The following RFX1 variants were observed in gnomAD, a reference collection of about 807,000 sequenced individuals.
The protein encoded by RFX1 is regulatory factor X1, also known as MHC class II regulatory factor RFX1.
In RFX1, 42 loss-of-function variants were observed where a neutral mutation model predicts 119.6. The observed-to-expected ratio is 0.35, with a 90% confidence interval of 0.27 to 0.45. The LOEUF is 0.45. RFX1 is among the 20% of genes least tolerant of loss of function. The pLI is 1.00. For missense variants in RFX1, 1,118 were observed against 1,368.1 expected (o/e 0.82, Z 2.88); for synonymous variants, 628 against 618.5 (o/e 1.02, Z -0.23).
intron 3 of RFX1, 36 bp downstream of exon 3, chr19:13,983,450 G>C (rs563523701): frequency 1.3e-6 from 2 of 1,523,520 alleles, no homozygotes; most frequent in African/African-American, 2.7e-5. Context: ...CCCCCTCCCG[G>C]GCCCTCCCCC....
intron 2 of RFX1, among the ~76,000 whole-genome samples, chr19:13,991,878 T>C (rs1454194227): frequency 6.6e-6 from 1 of 152,102 alleles, no homozygotes; most frequent in South Asian, 2.1e-4. Context: ...GCCAGGCTGG[T>C]CTCGAACTCC....
intron 9 of RFX1, among the ~76,000 whole-genome samples, chr19:13,971,938 G>A (rs890398698): frequency 3.9e-5 from 6 of 152,052 alleles, no homozygotes; most frequent in African/African-American, 1.4e-4. Context: ...CCCGGGAGGC[G>A]GAGGTCGCAG....
At chr19:13,963,079 G>A (rs371009810) in intron 19 of RFX1, 40 bp from the exon 20 acceptor site, 18 of 1,603,004 alleles carry the variant, frequency 1.1e-5, no homozygotes, top group Middle Eastern at 1.6e-4. Flanking sequence ...GGGTCCCGCC[G>A]CCTGGCGCCC....
In RFX1 at chr19:13,965,818, A is replaced by G; in HGVS notation, c.1962-41T>C. ...CCACCCCGGGTCACTGGGGTACTCT[A>G]TGGTCCTGCCCCCATCGTCAGAAGG... is the stretch of plus-strand genomic sequence containing the variant. On this transcript the variant is annotated intron_variant, in intron 14 of 20. Coordinates refer to ENST00000254325, the MANE Select transcript of RFX1 (RefSeq NM_002918.5). The surrounding 1 kb of genome is among the most constrained non-coding windows in gnomAD (Gnocchi z 4.7). The G allele has an allele frequency of 1.9e-6, 3 of 1,605,436 alleles. No individual in the cohort carries two copies. The highest frequency in any genetic ancestry group is 2.6e-6 in the Non-Finnish European group (3 of 1,176,340).
rs1189102620 is a variant in RFX1, at chr19:13,985,176, TC to T, written c.320-1582del. Among the ~76,000 whole-genome samples, 4 of 151,356 alleles carry T rather than the reference TC, an allele frequency of 2.6e-5. No homozygotes were observed. In the East Asian group the frequency reaches 7.8e-4, roughly 29 times the overall value. ...TGTGCCTGGCTGACAGTAAGAGCTT[TC>T]CGGGATTTTTTTTTTTTTTTGAGAC... On this transcript the variant is annotated intron_variant, in intron 2 of 20. Transcript: ENST00000254325. The surrounding 1 kb of genome is among the most constrained non-coding windows in gnomAD (Gnocchi z 4.3).
rs1010063005 is a variant in RFX1, at chr19:13,964,045, A to T, written c.2212-38T>A. On this transcript the variant is annotated intron_variant, in intron 16 of 20. Coordinates refer to ENST00000254325, the MANE Select transcript of RFX1 (RefSeq NM_002918.5). ...ATTGAGGGGCTTGCTGCTTCCAAGG[A>T]ACCCCAGCCCGCCAGCCCTGGCCCC... is the stretch of plus-strand genomic sequence containing the variant. The T allele has an allele frequency of 5.9e-6, 9 of 1,520,106 alleles. No individual in the cohort carries two copies. In the African/African-American group the frequency reaches 1.2e-4, roughly 21 times the overall value. The allele number at this position is 1,520,106 out of a possible 1,614,324, so 94.2% of individuals were successfully genotyped here. A position where few individuals can be genotyped will look rare whatever the true frequency, so the allele number is the denominator to read the frequency against.
chr19:13,964,773 G>A (rs998746240), intron 16 of RFX1, among the ~76,000 whole-genome samples: 4 of 152,276 alleles, frequency 2.6e-5, no homozygotes, highest in Admixed American at 1.3e-4. Flanking sequence ...GAGCCACTAC[G>A]CCCGGCCTCA....
intron 2 of RFX1, among the ~76,000 whole-genome samples, chr19:13,989,511 C>A (rs184044343): frequency 6.6e-6 from 1 of 151,844 alleles, no homozygotes; most frequent in Non-Finnish European, 1.5e-5. Flanking sequence ...GCTGGGATTA[C>A]GGCGCCCACC....
At chr19:13,991,452 C>CG (rs929954770) in intron 2 of RFX1, among the ~76,000 whole-genome samples, 4 of 152,040 alleles carry the variant, frequency 2.6e-5, no homozygotes, top group South Asian at 2.1e-4. Flanking sequence ...TCTACACAGG[C>CG]GGGGGGGCAC....
At chr19:13,964,087 C>G in intron 16 of RFX1, 80 bp from the exon 17 acceptor site, 1 of 1,379,502 alleles carries the variant, frequency 7.2e-7, no homozygotes. Context: ...CTGCAACCTC[C>G]CTAAGCCTGT....
intron 12 of RFX1, among the ~76,000 whole-genome samples, chr19:13,967,494 A>G (rs774419358): frequency 7.6e-5 from 11 of 144,382 alleles, no homozygotes; most frequent in Non-Finnish European, 1.2e-4. Context: ...TTTTCCTGAG[A>G]CAGAGTCTCA....
In RFX1 at chr19:13,970,163, G is replaced by C. The variant is rs1445685204; in HGVS notation, c.1327C>G (p.Leu443Val). The change falls in exon 10 of 21, where the codon CTG (leucine) becomes GTG (valine). Residue 443 changes from leucine to valine, a missense_variant. Physicochemically the swap from Leu to Val is conservative, Grantham distance 32. Transcript: ENST00000254325. ...CCCTCAGCCGTCTCATAGTTGTCCA[G>C]GAGCCACTGGACCTGGGGTGGGAGG... is the stretch of plus-strand genomic sequence containing the variant. ...RASPATVQWL[L>V]DNYETAEGVS... 1 of 1,608,076 alleles carries C rather than the reference G, an allele frequency of 6.2e-7. No individual in the cohort carries two copies. The highest frequency in any genetic ancestry group is 1.7e-5 in the Admixed American group (1 of 59,404).
chr19:13,986,527 G>C lies in RFX1; in HGVS notation c.320-2932C>G, dbSNP rs1433698426. ...GCAGGGCCCCTCCACCACTGGGTCT[G>C]GCCCTCGCTGTGTTTCAGGGAGGAG... On this transcript the variant is annotated intron_variant, in intron 2 of 20. Transcript: ENST00000254325. This position sits in a 1 kb window ranked among gnomAD's most constrained non-coding sequence, Gnocchi z 4.2. Among the ~76,000 whole-genome samples the C allele has an allele frequency of 6.6e-6, 1 of 152,172 alleles. No homozygotes were observed. The highest frequency in any genetic ancestry group is 1.5e-5 in the Non-Finnish European group (1 of 68,008).
At chr19:13,963,462 A>C (rs992841826) in intron 18 of RFX1, 76 bp downstream of exon 18, 6 of 1,478,556 alleles carry the variant, frequency 4.1e-6, no homozygotes, top group Non-Finnish European at 5.5e-6. Flanking sequence ...GGGTCGTCGT[A>C]GAAGAGCACC....
chr19:13,979,565 A>C (rs372041371), intron 6 of RFX1, 23 bp from the exon 7 acceptor site: 3 of 1,548,206 alleles, frequency 1.9e-6, no homozygotes, highest in Non-Finnish European at 2.6e-6. Flanking sequence ...AGGCAACAAT[A>C]AGATGACCAT....
chr19:13,968,850 C>G lies in RFX1; in HGVS notation c.1541G>C (p.Ser514Thr). 6.4e-7 allele frequency: 1 copy of G among 1,553,402 alleles called. No individual in the cohort carries two copies. The highest frequency in any genetic ancestry group is 8.7e-7 in the Non-Finnish European group (1 of 1,148,324). Reference protein sequence around the residue: ...YHYYGLRIKASSPLLRLMEDQ... With the variant: ...YHYYGLRIKATSPLLRLMEDQ... ...CTCCATCAGCCGCAGCAGGGGTGAG[C>G]TGGCCTTGATGCGCAGGCCATAGTA... Residue 514 changes from serine (S) to threonine (T), a missense_variant, in exon 11 of 21, where the codon AGC becomes ACC. Transcript: ENST00000254325. This position sits in a 1 kb window ranked among gnomAD's most constrained non-coding sequence, Gnocchi z 5.5.
intron 2 of RFX1, among the ~76,000 whole-genome samples, chr19:13,984,955 G>A (rs1274981024): frequency 6.6e-6 from 1 of 151,874 alleles, no homozygotes; most frequent in Non-Finnish European, 1.5e-5. Flanking sequence ...TGTCCCCTGG[G>A]GTTCAAGCAA....
intron 5 of RFX1, among the ~76,000 whole-genome samples, chr19:13,981,820 G>A (rs536550261): frequency 1.1e-4 from 17 of 152,318 alleles, no homozygotes; most frequent in African/African-American, 3.6e-4. Context: ...TTGTTTCTCG[G>A]AATGCAGTTC....
intron 18 of RFX1, 75 bp from the exon 19 acceptor site, chr19:13,963,350 C>T (rs1177752402): frequency 4.6e-6 from 7 of 1,516,530 alleles, no homozygotes; most frequent in Non-Finnish European, 4.4e-6. Flanking sequence ...CGCTGCGATG[C>T]GCCCGGGCCT....
Sources: allele counts gnomAD v4.1 joint callset (sites outside exome capture counted in the v4.1 genomes callset), GRCh38; gene constraint gnomAD v4.1.1; non-coding constraint Gnocchi (gnomAD v3.1); transcripts MANE v1.5; gene names NCBI Gene and HGNC (gene_info 2026-07-23, HGNC 2026-07-21).